The following RAPGEF5 variants were observed in gnomAD, a reference collection of about 807,000 sequenced individuals.
The protein encoded by RAPGEF5 is M-Ras-regulated GEF.
RAPGEF5 carries 65 observed loss-of-function variants against 125.2 expected under a neutral mutation model. The ratio of observed to expected loss-of-function variants is 0.52; its 90% confidence interval spans 0.43 to 0.64. The LOEUF is 0.64. Ranked by LOEUF, RAPGEF5 falls within the 30% of genes least tolerant of loss-of-function variation. The pLI is 0.00. For synonymous variants in RAPGEF5, 391 were observed against 385.9 expected, an observed-to-expected ratio of 1.01 and a Z score of -0.16; for missense variants, 958 against 1,048.1, an observed-to-expected ratio of 0.91 and a Z score of 1.19.
At chr7:22,125,402 C>T (rs1782706531) in intron 25 of RAPGEF5, 4 of 507,382 alleles carry the variant, frequency 7.9e-6, no homozygotes, top group Non-Finnish European at 1.1e-5. Flanking sequence ...GGATAATAAT[C>T]TGCCATATCT....
intron 1 of RAPGEF5, among the ~76,000 whole-genome samples, chr7:22,323,322 G>T (rs73282281): frequency 0.039 from 5,879 of 152,256 alleles, 131 homozygotes; most frequent in East Asian, 0.088. Flanking sequence ...GTTCAAGGAG[G>T]ACTTATAAAC....
At chr7:22,247,868 C>T (rs1021385947) in intron 7 of RAPGEF5, among the ~76,000 whole-genome samples, 16 of 152,180 alleles carry the variant, frequency 1.1e-4, no homozygotes, top group Middle Eastern at 6.8e-3. Context: ...TGAATTAACG[C>T]AGGAACAGAA....
rs564136839 is a variant in RAPGEF5, at chr7:22,336,151, A to T, written c.232-18114T>A. 4.6e-5 allele frequency among the ~76,000 whole-genome samples: 7 copies of T among 152,238 alleles called. No homozygotes were observed. In the South Asian group the frequency reaches 1.5e-3, roughly 32 times the overall value. On this transcript the variant is annotated intron_variant, in intron 1 of 25. Transcript: ENST00000665637. ...AATCCCTAAGTGACTTCCCTGCCTT[A>T]ACCTCTCCTTTCCCCACTCTGCACA...
At chr7:22,139,858 A>G (rs1444995435) in intron 21 of RAPGEF5, 167 bp downstream of exon 21, 3 of 590,398 alleles carry the variant, frequency 5.1e-6, no homozygotes, top group African/African-American at 3.8e-5. Flanking sequence ...TATCTAGTTC[A>G]GACACATTAT....
At chr7:22,309,724 G>C (rs1783425688) in intron 4 of RAPGEF5, among the ~76,000 whole-genome samples, 1 of 152,146 alleles carries the variant, frequency 6.6e-6, no homozygotes, top group African/African-American at 2.4e-5. Context: ...AGGAAGTAGA[G>C]GAAGGACTCC....
intron 1 of RAPGEF5, among the ~76,000 whole-genome samples, chr7:22,319,116 G>A (rs1783663239): frequency 1.3e-5 from 2 of 151,996 alleles, no homozygotes; most frequent in South Asian, 4.1e-4. Context: ...ATACGCTTAA[G>A]CACAATACAG....
chr7:22,128,805 C>G (rs967709225), intron 24 of RAPGEF5, among the ~76,000 whole-genome samples: 1 of 152,110 alleles, frequency 6.6e-6, no homozygotes, highest in South Asian at 2.1e-4. Flanking sequence ...CTTGCGTGTG[C>G]GCTATGTGAG....
chr7:22,336,058 C>T (rs77236030), intron 1 of RAPGEF5, among the ~76,000 whole-genome samples: 11,733 of 152,192 alleles, frequency 0.077, 559 homozygotes, highest in Non-Finnish European at 0.11. Context: ...TCCTTCCCAA[C>T]GCCCAGACTT....
intron 18 of RAPGEF5, among the ~76,000 whole-genome samples, chr7:22,150,138 G>A (rs1477473190): frequency 1.5e-5 from 2 of 130,970 alleles, no homozygotes; most frequent in Non-Finnish European, 3.1e-5. Context: ...GGAGTGCAAT[G>A]ATGAGATCAC....
intron 17 of RAPGEF5, 145 bp downstream of exon 17, chr7:22,154,310 G>A (rs1360879234): frequency 1.1e-6 from 1 of 916,114 alleles, no homozygotes; most frequent in Non-Finnish European, 1.6e-6. Flanking sequence ...AACACTTCTG[G>A]TAGGCAGCTT....
chr7:22,204,724 G>C (rs1583480095), intron 9 of RAPGEF5, among the ~76,000 whole-genome samples: 1 of 152,180 alleles, frequency 6.6e-6, no homozygotes, highest in Non-Finnish European at 1.5e-5. Context: ...TTCACAGTTT[G>C]AAACAAGGTT....
At chr7:22,252,243 C>G (rs892731948) in intron 7 of RAPGEF5, among the ~76,000 whole-genome samples, 1 of 152,196 alleles carries the variant, frequency 6.6e-6, no homozygotes, top group Non-Finnish European at 1.5e-5. Context: ...CAAGACCAGA[C>G]AGTAACCTGC....
intron 11 of RAPGEF5, among the ~76,000 whole-genome samples, chr7:22,168,346 G>A (rs1336385140): frequency 6.6e-6 from 1 of 152,186 alleles, no homozygotes; most frequent in Non-Finnish European, 1.5e-5. Flanking sequence ...GAACCAGGAA[G>A]CAGGTCCTCA....
intron 16 of RAPGEF5, among the ~76,000 whole-genome samples, chr7:22,156,224 C>T (rs1406020556): frequency 6.6e-6 from 1 of 152,228 alleles, no homozygotes; most frequent in Non-Finnish European, 1.5e-5. Flanking sequence ...TTTTCCAGCT[C>T]TGTGCTTGAC....
chr7:22,337,848 T>C (rs908597239), intron 1 of RAPGEF5, among the ~76,000 whole-genome samples: 1 of 152,238 alleles, frequency 6.6e-6, no homozygotes, highest in Non-Finnish European at 1.5e-5. Context: ...ATAAAGCACA[T>C]TGTTTGCAAT....
intron 7 of RAPGEF5, among the ~76,000 whole-genome samples, chr7:22,236,131 C>A (rs1786182228): frequency 6.6e-6 from 1 of 152,264 alleles, no homozygotes; most frequent in South Asian, 2.1e-4. Context: ...GAACTTGAGA[C>A]TGTTGACTTA....
chr7:22,336,842 T>G (rs746769655), intron 1 of RAPGEF5, among the ~76,000 whole-genome samples: 1 of 152,168 alleles, frequency 6.6e-6, no homozygotes, highest in Non-Finnish European at 1.5e-5. Flanking sequence ...GAGCCTAATT[T>G]TTCGTGGCTG....
chr7:22,126,282 CA>C (rs1782742970), intron 24 of RAPGEF5, among the ~76,000 whole-genome samples: 1 of 152,218 alleles, frequency 6.6e-6, no homozygotes, highest in Non-Finnish European at 1.5e-5. Context: ...ACATGTGTTT[CA>C]CTTCAGGGTA....
intron 2 of RAPGEF5, among the ~76,000 whole-genome samples, chr7:22,316,485 ATATATTTTT>A (rs1264569933): frequency 4.7e-4 from 14 of 29,594 alleles, no homozygotes; most frequent in Non-Finnish European, 8.0e-4. Flanking sequence ...ATATATATAT[ATATATTTTT>A]TTTTTTTTTT....
Sources: gnomAD v4.1 joint callset for allele counts (sites outside exome capture counted in the v4.1 genomes callset) on GRCh38, gnomAD v4.1.1 for gene constraint, MANE v1.5 for transcripts, NCBI Gene and HGNC (gene_info 2026-07-23, HGNC 2026-07-21) for gene names.